MACF1: variants seen among roughly 807,000 people sequenced by gnomAD.
The protein encoded by MACF1 is microtubule-actin cross-linking factor 1.
MACF1 carries 193 observed loss-of-function variants against 854.8 expected under a neutral mutation model. The ratio of observed to expected loss-of-function variants is 0.23; its 90% CI spans 0.20 to 0.25. The LOEUF (loss-of-function observed/expected upper bound fraction) is 0.25. Among genes scored for constraint, MACF1 ranks in the 10% least tolerant of loss-of-function variants. The probability of loss-of-function intolerance (pLI) is 1.00; values close to 1 mark genes in which losing one functional copy is unlikely to be tolerated. For missense variants in MACF1, 7,722 were observed against 8,929.1 expected (o/e 0.86, Z 5.45); for synonymous variants, 3,185 against 3,226.7 (o/e 0.99, Z 0.44).
intron 91 of MACF1, among the ~76,000 whole-genome samples, 196 bp downstream of exon 91, chr1:39,459,445 T>G (rs1436789310): frequency 2.0e-5 from 3 of 152,198 alleles, no homozygotes; most frequent in Non-Finnish European, 4.4e-5. Flanking sequence ...AAACCGTTTG[T>G]GACAGAGTAG....
At chr1:39,180,898 TACTTTTTA>T (rs1466187544) in intron 2 of MACF1, among the ~76,000 whole-genome samples, 1 of 152,064 alleles carries the variant, frequency 6.6e-6, no homozygotes, top group African/African-American at 2.4e-5. Context: ...GACACTCTGT[TACTTTTTA>T]ATCAATATCT....
intron 2 of MACF1, among the ~76,000 whole-genome samples, chr1:39,104,888 G>T (rs899554030): frequency 6.6e-6 from 1 of 152,196 alleles, no homozygotes; most frequent in Non-Finnish European, 1.5e-5. Flanking sequence ...GAGGCATCGT[G>T]GTCTTTTGCC....
At chr1:39,299,286 T>G (rs1251703167) in intron 21 of MACF1, 1 of 456,268 alleles carries the variant, frequency 2.2e-6, no homozygotes, top group Non-Finnish European at 4.4e-6. Flanking sequence ...TCTTTTTCTT[T>G]ACTTGCATAT....
chr1:39,331,523 G>A lies in MACF1; in HGVS notation c.4935G>A (p.Glu1645=), dbSNP rs567873670. Residue 1645 remains glutamate, a synonymous_variant, in exon 37 of 101, where the codon GAG becomes GAA. Transcript: ENST00000564288. ...CAATTGAAAAGAGAATAATCAGTGAGACAGTTGGACTGAAAATCTTAGAAG... is the reference window on the plus strand; with the variant it reads ...CAATTGAAAAGAGAATAATCAGTGAAACAGTTGGACTGAAAATCTTAGAAG... The part of the protein sequence containing the change: ...VEAIEKRIIS[E]TVGLKILEAH... 7.4e-6 allele frequency: 12 copies of A among 1,614,184 alleles called. No individual in the cohort carries two copies. The African/African-American group carries it at 9.3e-5, about 13-fold the overall frequency.
In MACF1 at chr1:39,485,759, A is replaced by G. The variant is rs1225188220; in HGVS notation, c.22633A>G (p.Thr7545Ala). The change falls in exon 101 of 101, where the codon ACT becomes GCT. Residue 7545 changes from threonine (T) to alanine (A), a missense_variant. Around this residue, in one of 15 missense-constraint regions of MACF1, gnomAD observed 185 missense variants for 225.7 expected, o/e 0.82. Coordinates refer to ENST00000564288, the MANE Select transcript of MACF1 (RefSeq NM_001394062.1). ...KIPTMSKKTTTASPRTPGPKR is the reference protein window; with the variant it reads ...KIPTMSKKTTAASPRTPGPKR ...CCCAACCATGTCTAAGAAGACCACC[A>G]CTGCCTCCCCCAGGACTCCAGGTCC... 2 of 1,611,130 alleles carry G rather than the reference A, an allele frequency of 1.2e-6. No homozygotes were observed. The highest frequency in any genetic ancestry group is 1.7e-6 in the Non-Finnish European group (2 of 1,177,924).
intron 2 of MACF1, among the ~76,000 whole-genome samples, chr1:39,242,495 G>A (rs1290385295): frequency 1.3e-5 from 2 of 152,234 alleles, no homozygotes; most frequent in East Asian, 1.9e-4. Flanking sequence ...GATCAAGCCT[G>A]TAATCCCAGC....
chr1:39,246,397 T>C lies in MACF1; in HGVS notation c.172-3617T>C, dbSNP rs1262530143. On this transcript the variant is annotated intron_variant, in intron 2 of 100. Coordinates refer to ENST00000564288, the MANE Select transcript of MACF1 (RefSeq NM_001394062.1). The stretch of plus-strand genomic sequence containing the variant: ...TTCAACATATTTAAAATTGAATTTA[T>C]CAAATCCACTGCCCTTTTAACAAAC... Among the ~76,000 whole-genome samples the C allele has an allele frequency of 2.0e-5, 3 of 152,376 alleles. No individual in the cohort carries two copies. In the South Asian group the frequency reaches 6.2e-4, roughly 32 times the overall value.
Position 39,332,835 on chromosome 1 carries a change from G to A in MACF1, c.6247G>A (p.Val2083Ile). ...AGAGAACCCTGAACAGGATCTGTTT[G>A]TAGAACAAAAAGAGAGAAATCCAAA... is the stretch of plus-strand genomic sequence containing the variant. ...SVENPEQDLF[V>I]EQKERNPNID... is the part of the protein sequence containing the mutation. Residue 2083 changes from valine to isoleucine, a missense_variant, in exon 37 of 101, where the codon GTA (valine) becomes ATA (isoleucine). Transcript: ENST00000564288. The A allele has an allele frequency of 6.2e-7, 1 of 1,614,086 alleles. No homozygotes were observed. The highest frequency in any genetic ancestry group is 8.5e-7 in the Non-Finnish European group (1 of 1,180,004).
intron 49 of MACF1, 47 bp from the exon 50 acceptor site, chr1:39,368,101 T>C (rs1302341919): frequency 1.3e-6 from 2 of 1,529,102 alleles, no homozygotes; most frequent in Admixed American, 1.7e-5. Flanking sequence ...TTAGAGTATA[T>C]TTATAAGGAT....
chr1:39,288,058 ATATATT>A, intron 15 of MACF1, among the ~76,000 whole-genome samples: 1 of 152,280 alleles, frequency 6.6e-6, no homozygotes, highest in East Asian at 1.9e-4. Context: ...TAGAAGGTAC[ATATATT>A]TATACGATAC....
chr1:39,480,788 A>T, intron 98 of MACF1, 132 bp from the exon 99 acceptor site: 1 of 618,354 alleles, frequency 1.6e-6, no homozygotes, highest in South Asian at 2.0e-5. Context: ...ATGGACCAAC[A>T]TGCATTTTAT....
chr1:39,185,654 T>A (rs1485121810), intron 2 of MACF1, among the ~76,000 whole-genome samples: 3 of 152,210 alleles, frequency 2.0e-5, no homozygotes, highest in Non-Finnish European at 4.4e-5. Context: ...TTCTGGCTGA[T>A]CATGAGTTTT....
rs770636733 is a variant in MACF1 at position 39,285,194 on chromosome 1, C to G, written c.1243C>G (p.Arg415Gly). The change falls in exon 12 of 101, where the codon CGG (arginine) becomes GGG (glycine). Residue 415 changes from arginine (R) to glycine (G), a missense_variant. Coordinates refer to ENST00000564288, the MANE Select transcript of MACF1 (RefSeq NM_001394062.1). ...IEMLEREKSL[R>G]PAVERLELLL... ...GATGCTGGAACGAGAGAAATCACTT[C>G]GGCCGGCTGTGGAGAGGTGGGTCCA... 6.2e-7 allele frequency: 1 copy of G among 1,614,186 alleles called. No individual in the cohort carries two copies. Among genetic ancestry groups the G allele is most frequent in the Non-Finnish European group, 8.5e-7 (1 of 1,180,046 alleles).
At position 39,400,551 on chromosome 1, in the gene MACF1, G is replaced by A. The variant is rs142206399; in HGVS notation, c.15816+11893G>A. On this transcript the variant is annotated intron_variant, in intron 58 of 100. Transcript: ENST00000564288. ...GACAGGGTCTCACTTTGTCAATCAA[G>A]CCTGAAGTGCAGTGGCATGATCATG... is the stretch of plus-strand genomic sequence containing the variant. 9.1e-3 allele frequency among the ~76,000 whole-genome samples: 1,376 copies of A among 151,386 alleles called. 26 individuals carry two copies. The highest frequency in any genetic ancestry group is 0.031 in the African/African-American group (1,289 of 41,174).
Position 39,287,436 on chromosome 1 carries a change from T to C in MACF1, c.1659T>C (p.His553=). 1 of 1,614,166 alleles carries C rather than the reference T, an allele frequency of 6.2e-7. No individual in the cohort carries two copies. The highest frequency in any genetic ancestry group is 1.1e-5 in the South Asian group (1 of 91,086). ...LKAEPLTKAT[H]SSSTSWFRKP... Reference sequence around the variant, plus strand: ...CAGAACCCTTAACCAAGGCAACCCATTCTTCTTCTACCTCCTGGTTCCGAA... The same window carrying C: ...CAGAACCCTTAACCAAGGCAACCCACTCTTCTTCTACCTCCTGGTTCCGAA... The change falls in exon 15 of 101, where the codon CAT becomes CAC. Residue 553 remains histidine (H), a synonymous_variant. Coordinates refer to ENST00000564288, the MANE Select transcript of MACF1 (RefSeq NM_001394062.1).
At chr1:39,371,751 C>T (rs1006329735) in intron 51 of MACF1, among the ~76,000 whole-genome samples, 4 of 150,900 alleles carry the variant, frequency 2.7e-5, no homozygotes, top group African/African-American at 9.7e-5. Flanking sequence ...GTTACCATTT[C>T]TTTTTTTATC....
intron 2 of MACF1, among the ~76,000 whole-genome samples, chr1:39,141,341 G>A (rs143285300): frequency 2.0e-5 from 3 of 152,192 alleles, no homozygotes; most frequent in African/African-American, 4.8e-5. Context: ...TCTGGGGTGG[G>A]GCTTGAGAAA....
In MACF1 at chr1:39,442,695, G is replaced by A. The variant is rs780811580; in HGVS notation, c.19105-19G>A. Reference sequence around the variant, plus strand: ...GATGATATCCATAGAGATAAATTATGTTGTTCAACATGTTTTAGGTCCTAA... The same window carrying A: ...GATGATATCCATAGAGATAAATTATATTGTTCAACATGTTTTAGGTCCTAA... On this transcript the variant is annotated intron_variant, in intron 77 of 100. Coordinates refer to ENST00000564288, the MANE Select transcript of MACF1 (RefSeq NM_001394062.1). The A allele has an allele frequency of 1.2e-6, 2 of 1,613,082 alleles. No homozygotes were observed. The highest frequency in any genetic ancestry group is 8.5e-7 in the Non-Finnish European group (1 of 1,179,538).
intron 2 of MACF1, among the ~76,000 whole-genome samples, chr1:39,108,513 T>G (rs1357742518): frequency 2.7e-5 from 4 of 149,132 alleles, no homozygotes; most frequent in South Asian, 2.2e-4. Flanking sequence ...AGGGTTTTTT[T>G]TTTTTTTTTT....
Sources: gnomAD v4.1 joint callset for allele counts (sites outside exome capture counted in the v4.1 genomes callset) on GRCh38, gnomAD v4.1.1 for gene constraint, gnomAD v4.1.1 regional missense constraint, MANE v1.5 for transcripts, NCBI Gene and HGNC (gene_info 2026-07-23, HGNC 2026-07-21) for gene names.